The following NEDD4 variants were observed in gnomAD, a reference collection of about 807,000 sequenced individuals.
NEDD4 encodes the protein E3 ubiquitin-protein ligase NEDD4.
NEDD4 carries 99 observed loss-of-function variants against 144.9 expected under a neutral mutation model. The observed-to-expected ratio is 0.68, with a 90% CI of 0.58 to 0.81. The LOEUF is 0.81. Ranked by LOEUF, NEDD4 falls within the 30% of genes least tolerant of loss-of-function variation. NEDD4 has a pLI of 0.00. For synonymous variants in NEDD4, 318 were observed against 350.6 expected (o/e 0.91, Z 1.04); for missense variants, 985 against 1,065.9 (o/e 0.92, Z 1.06).
At chr15:55,936,304 G>A (rs186910482) in intron 4 of NEDD4, among the ~76,000 whole-genome samples, 1 of 152,118 alleles carries the variant, frequency 6.6e-6, no homozygotes, top group East Asian at 1.9e-4. Flanking sequence ...GGTAGGTACT[G>A]TGGCCATCTC....
At chr15:55,911,213 G>A (rs1304657567) in intron 5 of NEDD4, among the ~76,000 whole-genome samples, 1 of 152,126 alleles carries the variant, frequency 6.6e-6, no homozygotes, top group African/African-American at 2.4e-5. Context: ...TGTCACACTG[G>A]GAGAAAGGGG....
chr15:55,940,814 GC>G (rs2036989577), intron 4 of NEDD4, among the ~76,000 whole-genome samples: 1 of 151,964 alleles, frequency 6.6e-6, no homozygotes, highest in African/African-American at 2.4e-5. Context: ...GAGCCACCAT[GC>G]CAGGCCAAAC....
intron 11 of NEDD4, among the ~76,000 whole-genome samples, chr15:55,857,586 G>A (rs989729819): frequency 9.8e-5 from 15 of 152,286 alleles, no homozygotes; most frequent in Non-Finnish European, 1.6e-4. Flanking sequence ...ACCTCTCAAA[G>A]TGCTGGGATT....
rs112328055 is a variant in NEDD4 at position 55,899,526 on chromosome 15, A to G, written c.291+25120T>C. ...AGAAAATAACTCAACAAACCCCTTT[A>G]AAACCAGTATTTTCTTGCTTAAACA... On this transcript the variant is annotated intron_variant, in intron 5 of 28. Transcript: ENST00000435532. 1.3e-5 allele frequency among the ~76,000 whole-genome samples: 2 copies of G among 152,352 alleles called. 1 individual carries two copies. The highest frequency in any genetic ancestry group is 4.8e-5 in the African/African-American group (2 of 41,588).
Position 55,827,716 on chromosome 15 carries a change from A to G in NEDD4, c.*2181T>C, listed in dbSNP as rs1041698930. 4 of 152,164 alleles carry G rather than the reference A, an allele frequency of 2.6e-5. No individual in the cohort carries two copies. Among genetic ancestry groups the G allele is most frequent in the African/African-American group, 9.7e-5 (4 of 41,434 alleles). The allele number at this position is 152,164 out of a possible 1,614,324, so 9.4% of individuals were successfully genotyped here. A position where few individuals can be genotyped will look rare whatever the true frequency, so the allele number is the denominator to read the frequency against. ...GTAAGATCCATATACAGATATACACATGTGTATCCATATTATTTATATATT... is the reference window on the plus strand; with the variant it reads ...GTAAGATCCATATACAGATATACACGTGTGTATCCATATTATTTATATATT... On this transcript the variant is annotated 3_prime_UTR_variant, in exon 29 of 29. Transcript: ENST00000435532.
chr15:55,842,040 C>G lies in NEDD4; in HGVS notation c.1732G>C (p.Asp578His). The G allele has an allele frequency of 6.2e-7, 1 of 1,614,238 alleles. No homozygotes were observed. Among genetic ancestry groups the G allele is most frequent in the Non-Finnish European group, 8.5e-7 (1 of 1,180,038 alleles). The change falls in exon 19 of 29, where the codon GAT (aspartate) becomes CAT (histidine). Residue 578 changes from aspartate (D) to histidine (H), a missense_variant. Physicochemically the swap from Asp to His is moderately conservative, Grantham distance 81. Coordinates refer to ENST00000435532, the MANE Select transcript of NEDD4 (RefSeq NM_006154.4). ...CCATAATCCAATCCCTTTTCACCAT[C>G]AAACTCAATCCACAGTCGAGCCTTC... ...FLKARLWIEF[D>H]GEKGLDYGGV...
chr15:55,870,944 A>G (rs765718588), intron 7 of NEDD4, among the ~76,000 whole-genome samples: 8 of 152,122 alleles, frequency 5.3e-5, no homozygotes, highest in Non-Finnish European at 1.0e-4. Flanking sequence ...TTTTTTACAG[A>G]TATCAGATAT....
At chr15:55,943,862 C>T in intron 4 of NEDD4, among the ~76,000 whole-genome samples, 1 of 152,202 alleles carries the variant, frequency 6.6e-6, no homozygotes, top group East Asian at 1.9e-4. Flanking sequence ...AGGCACTCAA[C>T]ACTAGCCTGT....
chr15:55,954,965 C>T (rs1467915993), intron 2 of NEDD4, among the ~76,000 whole-genome samples: 1 of 147,338 alleles, frequency 6.8e-6, no homozygotes, highest in African/African-American at 2.7e-5. Flanking sequence ...AACATGACCT[C>T]TACCCTATTT....
intron 25 of NEDD4, 27 bp downstream of exon 25, chr15:55,834,200 G>C: frequency 6.2e-7 from 1 of 1,608,294 alleles, no homozygotes; most frequent in Non-Finnish European, 8.5e-7. Context: ...CACAATTTCT[G>C]TTTCAACATA....
intron 18 of NEDD4, among the ~76,000 whole-genome samples, chr15:55,845,975 G>A (rs1332922071): frequency 6.6e-6 from 1 of 151,392 alleles, no homozygotes; most frequent in Non-Finnish European, 1.5e-5. Flanking sequence ...TAGTAGAGAC[G>A]GGGGTTTCAC....
chr15:55,845,569 A>G (rs1198893075), intron 18 of NEDD4, among the ~76,000 whole-genome samples: 1 of 151,848 alleles, frequency 6.6e-6, no homozygotes, highest in Non-Finnish European at 1.5e-5. Flanking sequence ...ATTGTCTCCC[A>G]TCTCCTGCTG....
chr15:55,975,003 C>G (rs1204315640), intron 1 of NEDD4, among the ~76,000 whole-genome samples: 14 of 149,280 alleles, frequency 9.4e-5, no homozygotes, highest in Admixed American at 2.7e-4. Context: ...AACGATTCTC[C>G]TGCCTCAGCC....
chr15:55,932,362 C>T (rs1361820245), intron 4 of NEDD4, among the ~76,000 whole-genome samples: 2 of 152,084 alleles, frequency 1.3e-5, no homozygotes, highest in African/African-American at 4.8e-5. Context: ...GGAAATAATA[C>T]CACACATCTA....
chr15:55,946,857 T>C (rs1239237878), intron 4 of NEDD4, among the ~76,000 whole-genome samples: 1 of 152,132 alleles, frequency 6.6e-6, no homozygotes, highest in Non-Finnish European at 1.5e-5. Flanking sequence ...AGAAACTCAC[T>C]CAAAACTGCT....
chr15:55,870,473 T>C (rs1285964150), intron 7 of NEDD4, among the ~76,000 whole-genome samples: 1 of 152,122 alleles, frequency 6.6e-6, no homozygotes, highest in African/African-American at 2.4e-5. Flanking sequence ...TTTAAATCTT[T>C]TGAAAACCTG....
intron 5 of NEDD4, among the ~76,000 whole-genome samples, chr15:55,889,711 T>A (rs1412834345): frequency 1.3e-5 from 2 of 152,054 alleles, no homozygotes; most frequent in African/African-American, 4.8e-5. Flanking sequence ...TTTGTTTTGT[T>A]TTTTTTGGAG....
At chr15:55,858,337 C>G (rs1324834433) in intron 11 of NEDD4, among the ~76,000 whole-genome samples, 1 of 151,718 alleles carries the variant, frequency 6.6e-6, no homozygotes, top group Non-Finnish European at 1.5e-5. Flanking sequence ...GACGGAGTTT[C>G]ACTCTGTCAC....
chr15:55,870,871 C>T (rs2034767797), intron 7 of NEDD4, among the ~76,000 whole-genome samples: 1 of 152,070 alleles, frequency 6.6e-6, no homozygotes, highest in Non-Finnish European at 1.5e-5. Context: ...ATTCTAGTAT[C>T]CTATGATTTA....
Sources: gnomAD v4.1 joint callset for allele counts (sites outside exome capture counted in the v4.1 genomes callset) on GRCh38, gnomAD v4.1.1 for gene constraint, MANE v1.5 for transcripts, NCBI Gene and HGNC (gene_info 2026-07-23, HGNC 2026-07-21) for gene names.